PTPN5: variants seen among roughly 807,000 people sequenced by gnomAD.
PTPN5 encodes the protein protein tyrosine phosphatase non-receptor type 5.
PTPN5 carries 29 observed loss-of-function variants against 73.9 expected under a neutral mutation model. The observed-to-expected ratio is 0.39, with a 90% CI of 0.29 to 0.54. PTPN5 has a LOEUF of 0.54. PTPN5 is among the 20% of genes least tolerant of loss of function. The probability of loss-of-function intolerance (pLI) is 0.65; values close to 1 mark genes in which losing one functional copy is unlikely to be tolerated. For synonymous variants in PTPN5, 267 were observed against 304.7 expected (o/e 0.88, Z 1.29); for missense variants, 652 against 751.4 (o/e 0.87, Z 1.55).
Position 18,743,436 on chromosome 11 carries a change from C to T in PTPN5, c.292-7G>A. 6.2e-7 allele frequency: 1 copy of T among 1,613,162 alleles called. No homozygotes were observed. The highest frequency in any genetic ancestry group is 1.1e-5 in the South Asian group (1 of 91,044). On this transcript the variant is annotated splice_region_variant and splice_polypyrimidine_tract_variant and intron_variant, in intron 4 of 14. Coordinates refer to ENST00000358540, the MANE Select transcript of PTPN5 (RefSeq NM_006906.2). ...AGAGCACCCCACAGGCAAGCTGGGGCACAGGGGAGCAGGCTGAGTATGGAG... is the reference window on the plus strand; with the variant it reads ...AGAGCACCCCACAGGCAAGCTGGGGTACAGGGGAGCAGGCTGAGTATGGAG...
At chr11:18,757,400 G>A (rs746153620) in intron 3 of PTPN5, among the ~76,000 whole-genome samples, 2 of 152,180 alleles carry the variant, frequency 1.3e-5, no homozygotes, top group Non-Finnish European at 2.9e-5. Context: ...ACACTTTGAA[G>A]GGCCCTGCTC....
At chr11:18,790,146 T>C (rs983467945) in intron 1 of PTPN5, among the ~76,000 whole-genome samples, 2 of 151,978 alleles carry the variant, frequency 1.3e-5, no homozygotes, top group Non-Finnish European at 2.9e-5. Context: ...TGGGGACACC[T>C]GGCTGCCCTT....
Position 18,729,851 on chromosome 11 carries a change from G to A in PTPN5, c.1330-33C>T. ...GGAGACAGAGGCCCACCCCAGGTATGTGTGAACTCTTTCAGCTCACAAACC... is the reference window on the plus strand; with the variant it reads ...GGAGACAGAGGCCCACCCCAGGTATATGTGAACTCTTTCAGCTCACAAACC... On this transcript the variant is annotated intron_variant, in intron 12 of 14. Coordinates refer to ENST00000358540, the MANE Select transcript of PTPN5 (RefSeq NM_006906.2). The surrounding 1 kb of genome is among the most constrained non-coding windows in gnomAD (Gnocchi z 5.2). 1 of 1,613,924 alleles carries A rather than the reference G, an allele frequency of 6.2e-7. No homozygotes were observed. The highest frequency in any genetic ancestry group is 8.5e-7 in the Non-Finnish European group (1 of 1,179,850).
intron 1 of PTPN5, among the ~76,000 whole-genome samples, 176 bp downstream of exon 1, chr11:18,791,349 C>T (rs1211284904): frequency 6.6e-6 from 1 of 152,208 alleles, no homozygotes; most frequent in Non-Finnish European, 1.5e-5. Context: ...ATGGGGGACC[C>T]CTCCCCCAGC....
At chr11:18,780,930 T>G (rs1851391128) in intron 1 of PTPN5, among the ~76,000 whole-genome samples, 1 of 150,794 alleles carries the variant, frequency 6.6e-6, no homozygotes, top group African/African-American at 2.4e-5. Context: ...TGGAAAGGAG[T>G]GAAGGAAGAG....
intron 2 of PTPN5, among the ~76,000 whole-genome samples, chr11:18,768,967 G>C (rs1372867072): frequency 1.3e-5 from 2 of 152,122 alleles, no homozygotes; most frequent in Non-Finnish European, 2.9e-5. Flanking sequence ...AACAGGAACA[G>C]AACACTGGCC....
intron 2 of PTPN5, 150 bp from the exon 3 acceptor site, chr11:18,766,033 TG>T: frequency 6.0e-6 from 4 of 665,352 alleles, no homozygotes; most frequent in Non-Finnish European, 8.1e-6. Context: ...AATACCAGCC[TG>T]TTGAGGGGTC....
intron 9 of PTPN5, among the ~76,000 whole-genome samples, chr11:18,737,432 A>G (rs1282341129): frequency 1.3e-5 from 2 of 152,188 alleles, no homozygotes; most frequent in Non-Finnish European, 2.9e-5. Flanking sequence ...CACAGTGTAG[A>G]CAGAGAGCCT....
intron 1 of PTPN5, among the ~76,000 whole-genome samples, chr11:18,778,896 C>T (rs1851291817): frequency 1.3e-5 from 2 of 152,216 alleles, no homozygotes. Context: ...CCTGATCACA[C>T]ATTATTTCAT....
intron 1 of PTPN5, among the ~76,000 whole-genome samples, chr11:18,791,046 G>C (rs1851896364): frequency 6.6e-6 from 1 of 152,210 alleles, no homozygotes; most frequent in South Asian, 2.1e-4. Flanking sequence ...TTGTATTCTA[G>C]GGGAGGGTGG....
At chr11:18,755,542 T>C (rs1051194660) in intron 3 of PTPN5, among the ~76,000 whole-genome samples, 7 of 149,588 alleles carry the variant, frequency 4.7e-5, no homozygotes, top group Admixed American at 6.8e-5. Context: ...AGGATGCGGG[T>C]TGCCCTGCTT....
At chr11:18,790,968 C>G (rs929891176) in intron 1 of PTPN5, among the ~76,000 whole-genome samples, 1 of 152,110 alleles carries the variant, frequency 6.6e-6, no homozygotes, top group African/African-American at 2.4e-5. Context: ...GGGCAATCTC[C>G]GGTTTTGCAG....
chr11:18,766,629 T>C (rs1486461326), intron 2 of PTPN5, among the ~76,000 whole-genome samples: 4 of 152,208 alleles, frequency 2.6e-5, no homozygotes, highest in South Asian at 2.1e-4. Flanking sequence ...TTTTCTCCTT[T>C]ACCTGGCAAG....
chr11:18,729,771 C>CCA lies in PTPN5; in HGVS notation c.1375_1376dup (p.Trp459CysfsTer68). 6.2e-7 allele frequency: 1 copy of CCA among 1,613,024 alleles called. No individual in the cohort carries two copies. Among genetic ancestry groups the CCA allele is most frequent in the Non-Finnish European group, 8.5e-7 (1 of 1,179,214 alleles). ...CCCGGTCTGGGGTCTTCTGGTCGGG[C>CCA]CAGGATGTGAACCAGTAATGCTTCA... On this transcript the variant is annotated frameshift_variant, in exon 13 of 15. Transcript: ENST00000358540. LOFTEE classifies it high-confidence loss of function. This position sits in a 1 kb window ranked among gnomAD's most constrained non-coding sequence, Gnocchi z 5.2.
intron 8 of PTPN5, among the ~76,000 whole-genome samples, chr11:18,739,641 C>A (rs1045357054): frequency 6.6e-6 from 1 of 152,196 alleles, no homozygotes; most frequent in African/African-American, 2.4e-5. Flanking sequence ...AGGCCCAGGG[C>A]GGAGGCCAAA....
chr11:18,789,365 T>C (rs1418191761), intron 1 of PTPN5, among the ~76,000 whole-genome samples: 1 of 152,170 alleles, frequency 6.6e-6, no homozygotes, highest in African/African-American at 2.4e-5. Flanking sequence ...AATGATGTTA[T>C]TTTTTTGGAT....
intron 1 of PTPN5, among the ~76,000 whole-genome samples, chr11:18,774,388 A>T (rs1590602941): frequency 6.6e-6 from 1 of 152,190 alleles, no homozygotes; most frequent in East Asian, 1.9e-4. Context: ...TGGACAAGAG[A>T]GGCATCCCAG....
upstream of PTPN5, chr11:18,792,033 C>T (rs1851957195): frequency 6.6e-6 from 1 of 152,330 alleles, no homozygotes; most frequent in Non-Finnish European, 1.5e-5. Flanking sequence ...AGTCGTCGCC[C>T]CCATGCCAAG....
chr11:18,774,733 G>A (rs1354214847), intron 1 of PTPN5, among the ~76,000 whole-genome samples: 3 of 152,202 alleles, frequency 2.0e-5, no homozygotes, highest in Non-Finnish European at 4.4e-5. Flanking sequence ...CTTTGGGGTG[G>A]AGGGTCAGAA....
Sources: allele counts gnomAD v4.1 joint callset (sites outside exome capture counted in the v4.1 genomes callset), GRCh38; gene constraint gnomAD v4.1.1; non-coding constraint Gnocchi (gnomAD v3.1); transcripts MANE v1.5; gene names NCBI Gene and HGNC (gene_info 2026-07-23, HGNC 2026-07-21).